The following SYNPO2 variants were observed in gnomAD, a reference collection of about 807,000 sequenced individuals.
SYNPO2 encodes the protein synaptopodin 2, also known as synaptopodin-2.
A neutral mutation model predicts 85.0 loss-of-function variants in SYNPO2; 56 were observed. That is an observed-to-expected ratio of 0.66 (90% CI 0.53 to 0.82). The LOEUF is 0.82. Ranked by LOEUF, SYNPO2 falls within the 40% of genes least tolerant of loss-of-function variation. The pLI, the probability that SYNPO2 is intolerant of heterozygous loss-of-function variation, is 0.00. For synonymous variants in SYNPO2, 602 were observed against 591.1 expected (o/e 1.02, Z -0.27); for missense variants, 1,575 against 1,534.2 (o/e 1.03, Z -0.44).
intron 1 of SYNPO2, among the ~76,000 whole-genome samples, chr4:119,012,367 C>T (rs1280264247): frequency 2.3e-5 from 3 of 129,410 alleles, no homozygotes; most frequent in East Asian, 4.4e-4. Flanking sequence ...CTTTTTTTTC[C>T]CCCTTTTCTT....
At chr4:119,021,360 C>T (rs894578532) in intron 1 of SYNPO2, among the ~76,000 whole-genome samples, 2 of 152,164 alleles carry the variant, frequency 1.3e-5, no homozygotes, top group African/African-American at 4.8e-5. Flanking sequence ...AATTGAAATA[C>T]ATTTTGTGCC....
At chr4:118,884,210 G>GA (rs1435496440), upstream of SYNPO2, among the ~76,000 whole-genome samples, 1 of 152,090 alleles carries the variant, frequency 6.6e-6, no homozygotes, top group Non-Finnish European at 1.5e-5. Flanking sequence ...AATGGCTCAG[G>GA]AAAAAAGGCA....
At chr4:118,959,209 G>C (rs1307669255) in intron 1 of SYNPO2, among the ~76,000 whole-genome samples, 1 of 152,184 alleles carries the variant, frequency 6.6e-6, no homozygotes, top group Non-Finnish European at 1.5e-5. Flanking sequence ...TCAAAGGAAA[G>C]CAGGTTCCTT....
intron 1 of SYNPO2, among the ~76,000 whole-genome samples, chr4:118,918,360 G>A (rs1733424730): frequency 2.0e-5 from 3 of 152,118 alleles, no homozygotes; most frequent in Admixed American, 2.0e-4. Flanking sequence ...ACCTACAGAT[G>A]TGTTTGGCTA....
At chr4:118,883,014 G>T (rs192119735) in intron 1 of SYNPO2, among the ~76,000 whole-genome samples, 13 of 150,614 alleles carry the variant, frequency 8.6e-5, no homozygotes, top group Admixed American at 7.9e-4. Flanking sequence ...GCCCTCCTCG[G>T]CCTCCCAAAG....
intron 4 of SYNPO2, chr4:119,036,920 G>A: frequency 1.7e-6 from 2 of 1,196,520 alleles, no homozygotes; most frequent in Non-Finnish European, 2.1e-6. Context: ...CCAATAAAGT[G>A]CATCCCAAGT....
Position 119,026,680 on chromosome 4 carries a change from T to C in SYNPO2, c.311T>C (p.Leu104Pro). 6.2e-7 allele frequency: 1 copy of C among 1,613,352 alleles called. No homozygotes were observed. Among genetic ancestry groups the C allele is most frequent in the Non-Finnish European group, 8.5e-7 (1 of 1,179,734 alleles). ...ALISENENKN[L>P]EHLTHGGYVE... ...ATATCTGAAAATGAAAACAAAAACC[T>C]CGAGCATCTCACACATGGGGGTTAT... Residue 104 changes from leucine to proline, a missense_variant, in exon 3 of 5, where the codon CTC becomes CCC. Physicochemically the swap from Leu to Pro is moderately conservative, Grantham distance 98. Around this residue, in one of 3 missense-constraint regions of SYNPO2, gnomAD observed 1,508 missense variants for 1,446.8 expected, o/e 1.04. Coordinates refer to ENST00000307142, the MANE Select transcript of SYNPO2 (RefSeq NM_133477.3).
In SYNPO2 at chr4:119,026,983, A is replaced by G. The variant is rs1017014495; in HGVS notation, c.614A>G (p.Gln205Arg). 5 of 1,614,188 alleles carry G rather than the reference A, an allele frequency of 3.1e-6. No individual in the cohort carries two copies. Among genetic ancestry groups the G allele is most frequent in the Non-Finnish European group, 4.2e-6 (5 of 1,180,038 alleles). ...PVVELQLSLS[Q>R]ERHKGASGPL... ...GTTGAGCTGCAACTGTCCCTTTCAC[A>G]GGAGAGACATAAGGGCGCTAGTGGC... The change falls in exon 3 of 5, where the codon CAG (glutamine) becomes CGG (arginine). Residue 205 changes from glutamine (Q) to arginine (R), a missense_variant. This residue lies in a region of SYNPO2 where 1,508 missense variants were observed against 1,446.8 expected (regional missense o/e 1.04). Coordinates refer to ENST00000307142, the MANE Select transcript of SYNPO2 (RefSeq NM_133477.3).
At chr4:119,032,316 G>A (rs1456138039) in intron 4 of SYNPO2, 6 of 1,319,944 alleles carry the variant, frequency 4.5e-6, no homozygotes, top group Non-Finnish European at 5.8e-6. Context: ...TATTAAGTAA[G>A]CAGGAGACTT....
In SYNPO2 at chr4:118,879,121, T is replaced by C. The variant is rs114157619; in HGVS notation, c.12+28181T>C. 9.0e-3 allele frequency among the ~76,000 whole-genome samples: 1,370 copies of C among 152,204 alleles called. 20 individuals are homozygous for C. Among genetic ancestry groups the C allele is most frequent in the African/African-American group, 0.031 (1,299 of 41,532 alleles). ...CCTGAAGTGAACAAGACCACAGAACTCGCCAGAAGGAAGAAACTCCCGACA... is the reference window on the plus strand; with the variant it reads ...CCTGAAGTGAACAAGACCACAGAACCCGCCAGAAGGAAGAAACTCCCGACA... On this transcript the variant is annotated intron_variant, in intron 1 of 4. Coordinates refer to the SYNPO2 transcript ENST00000610556.
intron 1 of SYNPO2, among the ~76,000 whole-genome samples, chr4:118,867,774 A>G (rs1343584845): frequency 6.6e-6 from 1 of 152,154 alleles, no homozygotes; most frequent in Non-Finnish European, 1.5e-5. Context: ...TCAAATGAAC[A>G]CTATTCTTAG....
chr4:118,879,480 CAA>C (rs1491514424), intron 1 of SYNPO2, among the ~76,000 whole-genome samples: 1 of 152,156 alleles, frequency 6.6e-6, no homozygotes, highest in Non-Finnish European at 1.5e-5. Context: ...ACGAGAGACA[CAA>C]GAGAGATGAT....
chr4:119,037,922 G>A (rs147780626), intron 4 of SYNPO2: 96 of 191,030 alleles, frequency 5.0e-4, no homozygotes, highest in African/African-American at 2.2e-3. Flanking sequence ...GATTCAGTCT[G>A]CAGCCTGAAT....
intron 1 of SYNPO2, among the ~76,000 whole-genome samples, chr4:118,868,733 C>T (rs924404532): frequency 2.6e-5 from 4 of 151,992 alleles, no homozygotes; most frequent in East Asian, 1.9e-4. Flanking sequence ...TAGATGCTGG[C>T]GTAATTACCC....
chr4:118,968,524 A>C (rs1290370217), intron 1 of SYNPO2, among the ~76,000 whole-genome samples: 1 of 152,216 alleles, frequency 6.6e-6, no homozygotes, highest in Non-Finnish European at 1.5e-5. Flanking sequence ...TCGAAAGGTC[A>C]CAGCTAAGAA....
At chr4:119,032,464 G>A in intron 4 of SYNPO2, 1 of 1,041,292 alleles carries the variant, frequency 9.6e-7, no homozygotes, top group Non-Finnish European at 1.2e-6. Flanking sequence ...TATTGACTGA[G>A]ATTTCCCTTT....
At chr4:118,933,829 G>GTTTTTTTTTTTTTTTTTTT (rs71595334) in intron 1 of SYNPO2, among the ~76,000 whole-genome samples, 4 of 102,314 alleles carry the variant, frequency 3.9e-5, no homozygotes, top group Non-Finnish European at 5.8e-5. Context: ...TGTTGTTGTT[G>GTTTTTTTTTTTTTTTTTTT]TTTTTTTTTT....
At chr4:118,982,445 C>T (rs1024367265) in intron 1 of SYNPO2, among the ~76,000 whole-genome samples, 1 of 152,156 alleles carries the variant, frequency 6.6e-6, no homozygotes, top group Non-Finnish European at 1.5e-5. Context: ...GGAGCTGCTC[C>T]TTTGCCTTTC....
chr4:118,979,299 G>A (rs776911126), intron 1 of SYNPO2, among the ~76,000 whole-genome samples: 9 of 152,240 alleles, frequency 5.9e-5, no homozygotes, highest in Non-Finnish European at 1.0e-4. Flanking sequence ...GTACTGCTTA[G>A]CATCTTCTCC....
Sources: gnomAD v4.1 joint callset for allele counts (sites outside exome capture counted in the v4.1 genomes callset) on GRCh38, gnomAD v4.1.1 for gene constraint, gnomAD v4.1.1 regional missense constraint, MANE v1.5 for transcripts, NCBI Gene and HGNC (gene_info 2026-07-23, HGNC 2026-07-21) for gene names.